Variants in KAZN observed in about 807,000 individuals in gnomAD.
KAZN encodes kazrin.
In KAZN, 40 loss-of-function variants were observed where a neutral mutation model predicts 87.4. The ratio of observed to expected loss-of-function variants is 0.46; its 90% CI spans 0.36 to 0.60. KAZN has a LOEUF of 0.60. Among genes scored for constraint, KAZN ranks in the 20% least tolerant of loss-of-function variants. KAZN has a pLI of 0.00. For synonymous variants in KAZN, 466 were observed against 458.3 expected (o/e 1.02, Z -0.22); for missense variants, 898 against 1,073.9 (o/e 0.84, Z 2.29).
intron 1 of KAZN, among the ~76,000 whole-genome samples, chr1:14,800,051 C>G (rs1440876868): frequency 6.6e-6 from 1 of 152,114 alleles, no homozygotes. Flanking sequence ...GGACTCAAGG[C>G]TTGGATGTAT....
At chr1:14,325,515 A>G (rs1656348799) in intron 2 of KAZN, among the ~76,000 whole-genome samples, 1 of 152,212 alleles carries the variant, frequency 6.6e-6, no homozygotes, top group South Asian at 2.1e-4. Context: ...CAACATGTGC[A>G]TGGTAGAAAT....
intron 1 of KAZN, among the ~76,000 whole-genome samples, chr1:13,992,846 A>G (rs777304342): frequency 1.3e-5 from 2 of 152,158 alleles, no homozygotes; most frequent in African/African-American, 2.4e-5. Context: ...TAAGTTCAGA[A>G]TTGGCCAAAT....
chr1:14,876,732 A>G (rs906086057), intron 1 of KAZN, among the ~76,000 whole-genome samples: 1 of 152,212 alleles, frequency 6.6e-6, no homozygotes, highest in Non-Finnish European at 1.5e-5. Flanking sequence ...TAATCTACGT[A>G]AAACACTTAA....
rs557366895 is a variant in KAZN at position 14,150,462 on chromosome 1, C to T, written c.92-29973C>T. On this transcript the variant is annotated intron_variant, in intron 1 of 16. Coordinates refer to the KAZN transcript ENST00000636203. Reference sequence around the variant, plus strand: ...TTGGCCTGCAACAAAGAACCATCTGCCCCCAGAACTTCCAACTTCATTGTG... The same window carrying T: ...TTGGCCTGCAACAAAGAACCATCTGTCCCCAGAACTTCCAACTTCATTGTG... Among the ~76,000 whole-genome samples the T allele has an allele frequency of 7.2e-5, 11 of 152,316 alleles. No homozygotes were observed. In the East Asian group the frequency reaches 1.7e-3, roughly 24 times the overall value.
At chr1:13,953,346 A>G (rs7533120) in intron 1 of KAZN, among the ~76,000 whole-genome samples, 2,270 of 152,296 alleles carry the variant, frequency 0.015, 52 homozygotes, top group African/African-American at 0.051. Flanking sequence ...TTGGTTCTGC[A>G]CTAAGCCTGA....
chr1:14,406,156 T>A (rs1663835341), intron 2 of KAZN, among the ~76,000 whole-genome samples: 1 of 152,230 alleles, frequency 6.6e-6, no homozygotes, highest in Non-Finnish European at 1.5e-5. Context: ...TACCCCATTC[T>A]CCACAATCTA....
intron 2 of KAZN, among the ~76,000 whole-genome samples, chr1:14,471,635 T>A (rs1668459844): frequency 6.6e-6 from 1 of 152,186 alleles, no homozygotes; most frequent in Non-Finnish European, 1.5e-5. Flanking sequence ...GGAATACAAA[T>A]GACCTGCCCC....
At position 15,099,759 on chromosome 1, in the gene KAZN, G is replaced by A. The variant is rs1005703271; in HGVS notation, c.1548-1784G>A. On this transcript the variant is annotated intron_variant, in intron 10 of 14. Coordinates refer to ENST00000376030, the MANE Select transcript of KAZN (RefSeq NM_201628.3). The surrounding 1 kb of genome is among the most constrained non-coding windows in gnomAD (Gnocchi z 5.4). ...GACATTTTAAAAGGACCCCCTGGTG[G>A]TCCTGGGGGATGCGGAATAGAAGGG... Among the ~76,000 whole-genome samples, 18 of 152,172 alleles carry A rather than the reference G, an allele frequency of 1.2e-4. No individual in the cohort carries two copies. The highest frequency in any genetic ancestry group is 7.2e-4 in the Admixed American group (11 of 15,278).
At position 14,044,583 on chromosome 1, in the gene KAZN, T is replaced by TTTA. The variant is rs544296314; in HGVS notation, c.92-135835_92-135833dup. 2.4e-4 allele frequency among the ~76,000 whole-genome samples: 37 copies of TTTA among 151,916 alleles called. No homozygotes were observed. The South Asian group carries it at 7.1e-3, about 29-fold the overall frequency. Reference sequence around the variant, plus strand: ...GTTGTAAGGACTCAATGAATGAAGCTTTATTATTATTATTATTATCATTAA... The same window carrying TTTA: ...GTTGTAAGGACTCAATGAATGAAGCTTTATTATTATTATTATTATTATCATTAA... On this transcript the variant is annotated intron_variant, in intron 1 of 16. Transcript: ENST00000636203.
At chr1:14,948,570 G>T (rs1315499500) in intron 1 of KAZN, among the ~76,000 whole-genome samples, 1 of 152,164 alleles carries the variant, frequency 6.6e-6, no homozygotes, top group Non-Finnish European at 1.5e-5. Context: ...TTGACAGTGG[G>T]GGCTCCTGAA....
chr1:14,499,615 C>A (rs996919766), intron 2 of KAZN, among the ~76,000 whole-genome samples: 3 of 152,198 alleles, frequency 2.0e-5, no homozygotes, highest in African/African-American at 7.2e-5. Flanking sequence ...CCAAGCAAAC[C>A]AAATCCTTTA....
rs1424899907 is a variant in KAZN at position 14,335,737 on chromosome 1, G to T, written c.249+155145G>T. ...AAACAAAACAGACTAATATAGGCGT[G>T]CATGTGCGCGCACACACACACACAG... On this transcript the variant is annotated intron_variant, in intron 2 of 16. Coordinates refer to the KAZN transcript ENST00000636203. Among the ~76,000 whole-genome samples the T allele has an allele frequency of 4.6e-5, 7 of 151,832 alleles. No individual in the cohort carries two copies. In the East Asian group the frequency reaches 1.4e-3, roughly 29 times the overall value.
At chr1:14,523,352 T>C (rs879571280) in intron 2 of KAZN, among the ~76,000 whole-genome samples, 3 of 152,058 alleles carry the variant, frequency 2.0e-5, no homozygotes, top group Admixed American at 2.0e-4. Context: ...TTGTAAGCTT[T>C]GGCAAACCAA....
intron 2 of KAZN, among the ~76,000 whole-genome samples, chr1:14,287,288 T>G (rs899629580): frequency 6.6e-6 from 1 of 152,206 alleles, no homozygotes; most frequent in African/African-American, 2.4e-5. Context: ...TGCACTCATC[T>G]ATTTTCTCAT....
chr1:14,396,227 A>G (rs530801545), intron 2 of KAZN, among the ~76,000 whole-genome samples: 2 of 151,950 alleles, frequency 1.3e-5, no homozygotes, highest in Non-Finnish European at 2.9e-5. Context: ...TAGGTCTTAC[A>G]CTGGTCTGCA....
In KAZN at chr1:15,116,820, T is replaced by G. The variant is rs1004996198; in HGVS notation, c.*2185T>G. ...CAACTTGTCAGAAATGGCACTTACA[T>G]GGTTCGATCTTGCTGGAGACAAGTG... On this transcript the variant is annotated 3_prime_UTR_variant, in exon 15 of 15. Transcript: ENST00000376030. 6.6e-6 allele frequency: 1 copy of G among 152,226 alleles called. No individual in the cohort carries two copies. The highest frequency in any genetic ancestry group is 1.5e-5 in the Non-Finnish European group (1 of 68,036). 9.4% of individuals were successfully genotyped at this position (152,226 alleles called of 1,614,324 possible). A position where few individuals can be genotyped will look rare whatever the true frequency, so the allele number is the denominator to read the frequency against.
At chr1:15,095,208 C>T (rs913640021) in intron 10 of KAZN, among the ~76,000 whole-genome samples, 2 of 152,204 alleles carry the variant, frequency 1.3e-5, no homozygotes, top group African/African-American at 4.8e-5. Context: ...GGGAACCTCA[C>T]GAGCCCCCCA....
At chr1:14,186,747 A>T (rs1220973658) in intron 2 of KAZN, among the ~76,000 whole-genome samples, 1 of 152,170 alleles carries the variant, frequency 6.6e-6, no homozygotes, top group Non-Finnish European at 1.5e-5. Context: ...ACCGCTGCAG[A>T]TGGAGGCAAT....
At chr1:14,336,044 T>A (rs1401723716) in intron 2 of KAZN, among the ~76,000 whole-genome samples, 1 of 152,124 alleles carries the variant, frequency 6.6e-6, no homozygotes, top group Non-Finnish European at 1.5e-5. Flanking sequence ...CTGGGTATAT[T>A]TTGGGTGGGT....
Sources: allele counts gnomAD v4.1 joint callset (sites outside exome capture counted in the v4.1 genomes callset), GRCh38; gene constraint gnomAD v4.1.1; non-coding constraint Gnocchi (gnomAD v3.1); transcripts MANE v1.5; gene names NCBI Gene and HGNC (gene_info 2026-07-23, HGNC 2026-07-21).